HDAC9: variants seen among roughly 807,000 people sequenced by gnomAD.
HDAC9 encodes the protein histone deacetylase 9.
In HDAC9, 41 loss-of-function variants were observed where a neutral mutation model predicts 139.4. The observed-to-expected ratio is 0.29, with a 90% CI of 0.23 to 0.38. HDAC9 has a LOEUF of 0.38. Among genes scored for constraint, HDAC9 ranks in the 10% least tolerant of loss-of-function variants. The pLI is 1.00. For synonymous variants in HDAC9, 517 were observed against 476.2 expected (o/e 1.09, Z -1.12); for missense variants, 1,147 against 1,297.0 (o/e 0.88, Z 1.78).
chr7:18,833,943 C>A (rs1796042545), intron 19 of HDAC9, among the ~76,000 whole-genome samples: 1 of 152,116 alleles, frequency 6.6e-6, no homozygotes, highest in Non-Finnish European at 1.5e-5. Flanking sequence ...GACTGACAAC[C>A]CACCTCACAG....
chr7:18,645,421 G>A (rs1174216881), intron 9 of HDAC9, among the ~76,000 whole-genome samples: 4 of 152,064 alleles, frequency 2.6e-5, no homozygotes, highest in Admixed American at 2.0e-4. Context: ...AGGCTCTTTC[G>A]GGAAGAAAGC....
intron 12 of HDAC9, among the ~76,000 whole-genome samples, chr7:18,707,651 A>G (rs1784031612): frequency 6.6e-6 from 1 of 152,178 alleles, no homozygotes; most frequent in Admixed American, 6.5e-5. Flanking sequence ...AATCCAAAAT[A>G]TTAAATATTA....
At chr7:18,659,243 T>C (rs1367567577) in intron 11 of HDAC9, among the ~76,000 whole-genome samples, 2 of 152,176 alleles carry the variant, frequency 1.3e-5, no homozygotes, top group Non-Finnish European at 2.9e-5. Flanking sequence ...TATAGAGACT[T>C]ATAGACTTGT....
intron 14 of HDAC9, among the ~76,000 whole-genome samples, chr7:18,760,181 T>C (rs577245626): frequency 1.3e-5 from 2 of 152,282 alleles, no homozygotes; most frequent in African/African-American, 4.8e-5. Context: ...TCTGCCAGAA[T>C]TGGTTGCCAC....
chr7:18,992,935 G>A (rs1786108881), intron 25 of HDAC9, among the ~76,000 whole-genome samples: 1 of 152,152 alleles, frequency 6.6e-6, no homozygotes, highest in Non-Finnish European at 1.5e-5. Context: ...TCAGCTCCCT[G>A]CATGTCTTTC....
At chr7:18,514,673 C>T (rs935358661) in intron 2 of HDAC9, among the ~76,000 whole-genome samples, 3 of 152,148 alleles carry the variant, frequency 2.0e-5, no homozygotes, top group Non-Finnish European at 4.4e-5. Context: ...TGTGCTGTGG[C>T]CCATGCCTAT....
chr7:18,968,964 A>AAAAAAAAAAT (rs1325084969), intron 24 of HDAC9, among the ~76,000 whole-genome samples: 3 of 145,836 alleles, frequency 2.1e-5, no homozygotes, highest in Non-Finnish European at 4.6e-5. Context: ...CTCTCAAAAA[A>AAAAAAAAAAT]AAAAAAAAAA....
At chr7:18,633,451 C>T (rs1345913358) in intron 7 of HDAC9, among the ~76,000 whole-genome samples, 1 of 152,006 alleles carries the variant, frequency 6.6e-6, no homozygotes, top group East Asian at 1.9e-4. Flanking sequence ...CTGAAGATTC[C>T]ACCTAACTAA....
At chr7:18,246,832 T>C (rs1174170231) in intron 2 of HDAC9, among the ~76,000 whole-genome samples, 1 of 152,120 alleles carries the variant, frequency 6.6e-6, no homozygotes, top group Non-Finnish European at 1.5e-5. Flanking sequence ...GTTATCAGTG[T>C]AATCCAGGTG....
intron 1 of HDAC9, among the ~76,000 whole-genome samples, chr7:18,404,383 A>T (rs1312581446): frequency 6.6e-6 from 1 of 152,186 alleles, no homozygotes; most frequent in East Asian, 1.9e-4. Context: ...ATCCTGAATG[A>T]AAGAGCAATG....
chr7:18,174,086 A>G (rs1163550814), intron 2 of HDAC9, among the ~76,000 whole-genome samples: 3 of 152,190 alleles, frequency 2.0e-5, no homozygotes, highest in Non-Finnish European at 2.9e-5. Flanking sequence ...AGGTACACCA[A>G]TCAGATGTAG....
intron 1 of HDAC9, among the ~76,000 whole-genome samples, chr7:18,448,158 C>A (rs939195393): frequency 6.6e-6 from 1 of 152,154 alleles, no homozygotes; most frequent in African/African-American, 2.4e-5. Context: ...AGCCACCATG[C>A]CTGGCGATCT....
At chr7:18,645,362 A>G (rs75756983) in intron 9 of HDAC9, among the ~76,000 whole-genome samples, 3,098 of 152,306 alleles carry the variant, frequency 0.02, 71 homozygotes, top group African/African-American at 0.063. Flanking sequence ...AACTATTCCC[A>G]GAAGATTCAA....
chr7:18,905,734 A>G (rs1356153162), intron 22 of HDAC9, among the ~76,000 whole-genome samples: 1 of 152,224 alleles, frequency 6.6e-6, no homozygotes, highest in East Asian at 1.9e-4. Context: ...CAATTTCTAG[A>G]AGTATTTCAG....
intron 2 of HDAC9, among the ~76,000 whole-genome samples, chr7:18,237,985 C>G (rs187285994): frequency 6.6e-6 from 1 of 152,124 alleles, no homozygotes; most frequent in East Asian, 1.9e-4. Flanking sequence ...ACATTTGGTG[C>G]TATGAAATTA....
chr7:18,893,487 G>A (rs17350431), intron 22 of HDAC9, among the ~76,000 whole-genome samples: 30,505 of 152,038 alleles, frequency 0.2, 3,393 homozygotes, highest in South Asian at 0.29. Context: ...TTTGCATGTG[G>A]CTTATATTTA....
At chr7:18,231,760 T>C (rs1314461290) in intron 2 of HDAC9, among the ~76,000 whole-genome samples, 1 of 152,220 alleles carries the variant, frequency 6.6e-6, no homozygotes, top group Non-Finnish European at 1.5e-5. Context: ...ACGTTGGCTT[T>C]GGTTTACATG....
At chr7:18,281,868 C>A (rs1249779149) in intron 2 of HDAC9, among the ~76,000 whole-genome samples, 1 of 152,096 alleles carries the variant, frequency 6.6e-6, no homozygotes, top group Non-Finnish European at 1.5e-5. Flanking sequence ...CCCTGACTGA[C>A]TTTTAAGATT....
chr7:18,506,875 A>G (rs1198687092), intron 2 of HDAC9, among the ~76,000 whole-genome samples: 1 of 152,220 alleles, frequency 6.6e-6, no homozygotes, highest in Non-Finnish European at 1.5e-5. Flanking sequence ...CTGTTTGGGT[A>G]TTACTACCTC....
Sources: allele counts gnomAD v4.1 joint callset (sites outside exome capture counted in the v4.1 genomes callset), GRCh38; gene constraint gnomAD v4.1.1; transcripts MANE v1.5; gene names NCBI Gene and HGNC (gene_info 2026-07-23, HGNC 2026-07-21).